The following SLC39A6 variants were observed in gnomAD, a reference collection of about 807,000 sequenced individuals.
The protein encoded by SLC39A6 is solute carrier family 39 member 6, also known as zinc transporter ZIP6.
In SLC39A6, 51 loss-of-function variants were observed where a neutral mutation model predicts 63.5. The ratio of observed to expected loss-of-function variants is 0.80; its 90% CI spans 0.64 to 1.01. The LOEUF is 1.01. SLC39A6 is among the 50% of genes least tolerant of loss of function. SLC39A6 has a pLI of 0.00. For synonymous variants in SLC39A6, 318 were observed against 324.7 expected, an observed-to-expected ratio of 0.98 and a Z score of 0.22; for missense variants, 805 against 927.8, an observed-to-expected ratio of 0.87 and a Z score of 1.72.
rs2089296939 is a variant in SLC39A6, at chr18:36,111,176, C to T, written c.1998G>A (p.Met666Ile). ...CTGTTGCCATTCCAAGATACGCCAGCATGGCTGACAATGCATTATAAAGGA... is the reference window on the plus strand; with the variant it reads ...CTGTTGCCATTCCAAGATACGCCAGTATGGCTGACAATGCATTATAAAGGA... ...QAVLYNALSA[M>I]LAYLGMATGI... The change falls in exon 9 of 10, where the codon ATG becomes ATA. Residue 666 changes from methionine (M) to isoleucine (I), a missense_variant. Met to Ile is a conservative substitution (Grantham distance 10). This residue lies in a region of SLC39A6 where 145 missense variants were observed against 227.2 expected (regional missense o/e 0.64). Transcript: ENST00000269187. 3.7e-6 allele frequency: 6 copies of T among 1,614,042 alleles called. No individual in the cohort carries two copies. Among genetic ancestry groups the T allele is most frequent in the Non-Finnish European group, 5.1e-6 (6 of 1,179,972 alleles).
chr18:36,119,263 T>G (rs1444612297), intron 5 of SLC39A6, among the ~76,000 whole-genome samples: 1 of 152,186 alleles, frequency 6.6e-6, no homozygotes, highest in Non-Finnish European at 1.5e-5. Flanking sequence ...AAACTCAGCA[T>G]ATTCCAAAAA....
At chr18:36,116,361 G>GTGT (rs1487154926) in intron 6 of SLC39A6, among the ~76,000 whole-genome samples, 1 of 152,208 alleles carries the variant, frequency 6.6e-6, no homozygotes, top group Non-Finnish European at 1.5e-5. Context: ...AAAGGTGTGT[G>GTGT]TGTAGACAGA....
At chr18:36,111,305 A>T in intron 8 of SLC39A6, 56 bp from the exon 9 acceptor site, 1 of 1,545,030 alleles carries the variant, frequency 6.5e-7, no homozygotes, top group Non-Finnish European at 8.8e-7. Context: ...TTTTTAAGAC[A>T]CATACCAAGA....
At chr18:36,113,996 A>C in intron 7 of SLC39A6, 101 bp downstream of exon 7, 1 of 1,394,044 alleles carries the variant, frequency 7.2e-7, no homozygotes, top group Admixed American at 2.7e-5. Flanking sequence ...AGTCACTAAT[A>C]TCCTCATCTA....
chr18:36,125,596 C>CT (rs59134445), intron 2 of SLC39A6, among the ~76,000 whole-genome samples: 12,278 of 148,176 alleles, frequency 0.083, 574 homozygotes, highest in East Asian at 0.16. Context: ...TTCCTTGTTC[C>CT]TTTTTTTTTT....
At chr18:36,112,416 A>T in intron 8 of SLC39A6, 85 bp downstream of exon 8, 2 of 928,158 alleles carry the variant, frequency 2.2e-6, no homozygotes, top group Non-Finnish European at 3.5e-6. Context: ...TTGATGAAGA[A>T]GCTTGCTGAA....
intron 5 of SLC39A6, among the ~76,000 whole-genome samples, chr18:36,119,606 A>T (rs1357543612): frequency 2.0e-5 from 3 of 150,164 alleles, no homozygotes; most frequent in African/African-American, 5.1e-5. Context: ...TTGATTTTAC[A>T]ACTCACTAAC....
Position 36,126,794 on chromosome 18 carries a change from C to G in SLC39A6, c.214G>C (p.Val72Leu). Reference sequence around the variant, plus strand: ...TGAAGTAATTTTCTGAACCCTTCAACTGACAAAGAATTATTTTCTCCATAG... The same window carrying G: ...TGAAGTAATTTTCTGAACCCTTCAAGTGACAAAGAATTATTTTCTCCATAG... ...YRYGENNSLS[V>L]EGFRKLLQNI... The change falls in exon 2 of 10, where the codon GTT (valine) becomes CTT (leucine). Residue 72 changes from valine (V) to leucine (L), a missense_variant. By Grantham distance (32) the Val-to-Leu change is conservative. Around this residue, in one of 4 missense-constraint regions of SLC39A6, gnomAD observed 639 missense variants for 644.0 expected, o/e 0.99. Coordinates refer to ENST00000269187, the MANE Select transcript of SLC39A6 (RefSeq NM_012319.4). 6.2e-7 allele frequency: 1 copy of G among 1,614,224 alleles called. No homozygotes were observed. Among genetic ancestry groups the G allele is most frequent in the South Asian group, 1.1e-5 (1 of 91,088 alleles).
chr18:36,124,016 G>T (rs899564708), intron 3 of SLC39A6, among the ~76,000 whole-genome samples: 1 of 150,952 alleles, frequency 6.6e-6, no homozygotes, highest in African/African-American at 2.5e-5. Flanking sequence ...AATGATAAAA[G>T]AATTTTTTTT....
intron 4 of SLC39A6, among the ~76,000 whole-genome samples, chr18:36,122,973 T>C (rs1455069533): frequency 1.3e-5 from 2 of 152,206 alleles, no homozygotes; most frequent in Admixed American, 6.5e-5. Flanking sequence ...AAACCTTTAA[T>C]GGGAATTTAA....
At chr18:36,117,355 C>G (rs1291288597) in intron 5 of SLC39A6, among the ~76,000 whole-genome samples, 1 of 152,214 alleles carries the variant, frequency 6.6e-6, no homozygotes, top group Admixed American at 6.5e-5. Flanking sequence ...ACTTCCCATA[C>G]TTTTTATAAC....
chr18:36,124,502 TAAA>T lies in SLC39A6; in HGVS notation c.970+15_970+17del. On this transcript the variant is annotated intron_variant, in intron 3 of 9. Transcript: ENST00000269187. ...TGAATCTACTGAAATTGTTTTTACA[TAAA>T]AAAGGCAATTTTACCTATTTGTAAT... The T allele has an allele frequency of 6.7e-7, 1 of 1,498,348 alleles. No individual in the cohort carries two copies. The highest frequency in any genetic ancestry group is 9.1e-7 in the Non-Finnish European group (1 of 1,101,836). The allele number at this position is 1,498,348 out of a possible 1,614,324, so 92.8% of individuals were successfully genotyped here.
chr18:36,128,134 A>G (rs977303371), intron 1 of SLC39A6, among the ~76,000 whole-genome samples: 1 of 152,202 alleles, frequency 6.6e-6, no homozygotes, highest in Non-Finnish European at 1.5e-5. Context: ...AAAGAGGAGG[A>G]AGCAATTGAG....
chr18:36,126,190 A>G (rs754267404), intron 2 of SLC39A6, 29 bp downstream of exon 2: 1 of 1,581,672 alleles, frequency 6.3e-7, no homozygotes, highest in Non-Finnish European at 8.7e-7. Flanking sequence ...ACACAGGTAT[A>G]TTAAAATAAT....
Position 36,122,253 on chromosome 18 carries a change from G to A in SLC39A6, c.1158C>T (p.His386=). 1 of 1,612,020 alleles carries A rather than the reference G, an allele frequency of 6.2e-7. No individual in the cohort carries two copies. The change falls in exon 5 of 10, where the codon CAC becomes CAT. Residue 386 remains histidine (H), a synonymous_variant. Coordinates refer to ENST00000269187, the MANE Select transcript of SLC39A6 (RefSeq NM_012319.4). ...HLLPHSHASH[H]HSHSHEEPAM... is the part of the protein sequence containing the mutation. ...CTGGTTCTTCATGGCTATGACTATG[G>A]TGGTGACTTGCATGAGACTGAAGGC...
chr18:36,114,432 T>C lies in SLC39A6; in HGVS notation c.1508A>G (p.His503Arg), dbSNP rs1371003169. Reference sequence around the variant, plus strand: ...GACTGCAGGCTGCTGAGAATCAAAGTGGGAGGGCTCTTGTGAGTCTGCTCG... The same window carrying C: ...GACTGCAGGCTGCTGAGAATCAAAGCGGGAGGGCTCTTGTGAGTCTGCTCG... ...YLRADSQEPS[H>R]FDSQQPAVLE... Residue 503 changes from histidine (H) to arginine (R), a missense_variant, in exon 7 of 10, where the codon CAC (histidine) becomes CGC (arginine). Physicochemically the swap from His to Arg is conservative, Grantham distance 29. Around this residue, in one of 4 missense-constraint regions of SLC39A6, gnomAD observed 639 missense variants for 644.0 expected, o/e 0.99. Coordinates refer to ENST00000269187, the MANE Select transcript of SLC39A6 (RefSeq NM_012319.4). 2 of 1,613,994 alleles carry C rather than the reference T, an allele frequency of 1.2e-6. No individual in the cohort carries two copies. Among genetic ancestry groups the C allele is most frequent in the Non-Finnish European group, 1.7e-6 (2 of 1,180,000 alleles).
chr18:36,118,486 G>T (rs931580917), intron 5 of SLC39A6, among the ~76,000 whole-genome samples: 1 of 152,260 alleles, frequency 6.6e-6, no homozygotes, highest in South Asian at 2.1e-4. Context: ...AAGACCTAAA[G>T]ATAGGTAGGA....
intron 8 of SLC39A6, 66 bp from the exon 9 acceptor site, chr18:36,111,315 A>G: frequency 6.7e-7 from 1 of 1,489,828 alleles, no homozygotes; most frequent in Non-Finnish European, 9.1e-7. Flanking sequence ...ACATACCAAG[A>G]TACTTCCCAG....
chr18:36,122,965 AC>A (rs2089406525), intron 4 of SLC39A6, among the ~76,000 whole-genome samples: 1 of 152,134 alleles, frequency 6.6e-6, no homozygotes, highest in South Asian at 2.1e-4. Flanking sequence ...ATACTTGAAA[AC>A]CTTTAATGGG....
Sources: allele counts gnomAD v4.1 joint callset (sites outside exome capture counted in the v4.1 genomes callset), GRCh38; gene constraint gnomAD v4.1.1; regional missense constraint gnomAD v4.1.1; transcripts MANE v1.5; gene names NCBI Gene and HGNC (gene_info 2026-07-23, HGNC 2026-07-21).